PRPF3: variants seen among roughly 807,000 people sequenced by gnomAD.
PRPF3 encodes U4/U6 small nuclear ribonucleoprotein Prp3.
A neutral mutation model predicts 89.2 loss-of-function variants in PRPF3; 3 were observed. That is an observed-to-expected ratio of 0.03 (90% CI 0.02 to 0.09). The LOEUF is 0.09. Ranked by LOEUF, PRPF3 falls within the 10% of genes least tolerant of loss-of-function variation. PRPF3 has a pLI of 1.00. For synonymous variants in PRPF3, 270 were observed against 289.1 expected (o/e 0.93, Z 0.67); for missense variants, 463 against 828.8 (o/e 0.56, Z 5.42).
At chr1:150,352,807 GTT>G (rs1560126588) in intron 15 of PRPF3, 24 bp from the exon 16 acceptor site, 4 of 1,610,834 alleles carry the variant, frequency 2.5e-6, no homozygotes, top group Non-Finnish European at 3.4e-6. Context: ...AAATTGAAGT[GTT>G]TTTATTATAT....
In PRPF3 at chr1:150,332,751, G is replaced by A; in HGVS notation, c.491G>A (p.Ser164Asn). ...AGGAAAAAACAGCTGAGCTTCATTA[G>A]CCCCCCTACACCTCAGGTATTGTGT... ...EERKKQLSFI[S>N]PPTPQPKTPS... is the part of the protein sequence containing the mutation. The change falls in exon 5 of 16, where the codon AGC becomes AAC. Residue 164 changes from serine to asparagine, a missense_variant. Transcript: ENST00000324862. 6.2e-7 allele frequency: 1 copy of A among 1,613,986 alleles called. No homozygotes were observed.
rs1295066829 is a variant in PRPF3 at position 150,328,190 on chromosome 1, G to A, written c.277-130G>A. 4.9e-6 allele frequency: 5 copies of A among 1,022,298 alleles called. No individual in the cohort carries two copies. In the Admixed American group the frequency reaches 7.8e-5, roughly 16 times the overall value. The allele number at this position is 1,022,298 out of a possible 1,614,324, so 63.3% of individuals were successfully genotyped here. The stretch of plus-strand genomic sequence containing the variant: ...AGTCTAGTAGACCCTGCTTCTGGCA[G>A]GTGGCTATTTGCAAGGTTGTGTCAT... On this transcript the variant is annotated intron_variant, in intron 3 of 15. Transcript: ENST00000324862.
intron 6 of PRPF3, among the ~76,000 whole-genome samples, chr1:150,333,579 T>A (rs929252919): frequency 6.6e-6 from 1 of 152,004 alleles, no homozygotes; most frequent in Admixed American, 6.6e-5. Flanking sequence ...ACAAACAAAA[T>A]ATTACTGATC....
At chr1:150,325,178 T>C in intron 2 of PRPF3, 91 bp downstream of exon 2, 4 of 1,463,014 alleles carry the variant, frequency 2.7e-6, no homozygotes, top group Non-Finnish European at 3.7e-6. Context: ...GTTGGGAACA[T>C]CTAAAAAAAT....
At chr1:150,324,833 C>T in intron 1 of PRPF3, 62 bp from the exon 2 acceptor site, 1 of 1,355,086 alleles carries the variant, frequency 7.4e-7, no homozygotes. Context: ...AGGCATGAGC[C>T]ACTGCACCCA....
Position 150,325,074 on chromosome 1 carries a change from G to A in PRPF3, c.132G>A (p.Lys44=). 6.2e-7 allele frequency: 1 copy of A among 1,613,654 alleles called. No individual in the cohort carries two copies. Among genetic ancestry groups the A allele is most frequent in the Non-Finnish European group, 8.5e-7 (1 of 1,179,826 alleles). The part of the protein sequence containing the change: ...ALNCVGKGMD[K]KKAADHLKPF... The stretch of plus-strand genomic sequence containing the variant: ...ACTGTGTGGGGAAGGGCATGGACAA[G>A]AAGAAGGCAGCCGGTATGTACCTTT... The change falls in exon 2 of 16, where the codon AAG becomes AAA. Residue 44 remains lysine (K), a synonymous_variant. Coordinates refer to ENST00000324862, the MANE Select transcript of PRPF3 (RefSeq NM_004698.4).
At chr1:150,335,391 T>A in intron 7 of PRPF3, 150 bp downstream of exon 7, 1 of 924,964 alleles carries the variant, frequency 1.1e-6, no homozygotes, top group Admixed American at 2.2e-5. Context: ...ACTTGTTTCA[T>A]GGAAGATAAT....
chr1:150,340,516 AT>A, intron 9 of PRPF3, 39 bp downstream of exon 9: 1 of 1,477,006 alleles, frequency 6.8e-7, no homozygotes, highest in Non-Finnish European at 9.5e-7. Flanking sequence ...CTAGAGCAGC[AT>A]TACCCATTGG....
At chr1:150,352,537 C>T (rs1553874597) in intron 15 of PRPF3, among the ~76,000 whole-genome samples, 1 of 152,080 alleles carries the variant, frequency 6.6e-6, no homozygotes, top group African/African-American at 2.4e-5. Context: ...TGGTAGCGGG[C>T]GCCTGTAGTC....
In PRPF3 at chr1:150,344,436, C is replaced by T. The variant is rs781905935; in HGVS notation, c.1529C>T (p.Ala510Val). Residue 510 changes from alanine to valine, a missense_variant and splice_region_variant, in exon 12 of 16, where the codon GCG becomes GTG. Around this residue, in one of 8 missense-constraint regions of PRPF3, gnomAD observed 261 missense variants for 475.8 expected, o/e 0.55. Transcript: ENST00000324862. ...GGATGTCCTTCCTGTCACGACAGAGCGCATGAAGAGGCCAACGCTGCCCGA... is the reference window on the plus strand; with the variant it reads ...GGATGTCCTTCCTGTCACGACAGAGTGCATGAAGAGGCCAACGCTGCCCGA... ...VRAQMAKRQK[A>V]HEEANAARKL... 3.7e-6 allele frequency: 6 copies of T among 1,614,130 alleles called. No individual in the cohort carries two copies. The highest frequency in any genetic ancestry group is 5.1e-6 in the Non-Finnish European group (6 of 1,180,022).
chr1:150,335,802 A>C (rs1656922294), intron 7 of PRPF3, among the ~76,000 whole-genome samples: 2 of 124,904 alleles, frequency 1.6e-5, no homozygotes, highest in Non-Finnish European at 3.2e-5. Context: ...GGAGTCTTGC[A>C]CTGTTACCTG....
chr1:150,334,805 G>A, intron 6 of PRPF3, 130 bp from the exon 7 acceptor site: 2 of 1,087,514 alleles, frequency 1.8e-6, no homozygotes, highest in Non-Finnish European at 2.7e-6. Flanking sequence ...CTGGGCTCAA[G>A]TGATCCCTCT....
intron 5 of PRPF3, 58 bp from the exon 6 acceptor site, chr1:150,332,921 G>A (rs1165349500): frequency 2.6e-6 from 4 of 1,531,608 alleles, no homozygotes; most frequent in African/African-American, 1.4e-5. Context: ...CTGTGTGTAT[G>A]TATGTGTGTT....
intron 7 of PRPF3, among the ~76,000 whole-genome samples, chr1:150,335,932 C>T (rs115233468): frequency 0.02 from 3,089 of 151,928 alleles, 130 homozygotes; most frequent in African/African-American, 0.071. Context: ...CCATGCCTGA[C>T]GAATTTTTTG....
rs1553863277 is a variant in PRPF3, at chr1:150,324,921, ATTG to A, written c.-19_-17del. On this transcript the variant is annotated 5_prime_UTR_variant, in exon 2 of 16. Transcript: ENST00000324862. ...TGTAGTATTGAGTCCTGTTTGAGCTATTGTTCTCTTTTTCCTGAAAAATGGCAC... is the reference window on the plus strand; with the variant it reads ...TGTAGTATTGAGTCCTGTTTGAGCTATTCTCTTTTTCCTGAAAAATGGCAC... 6.4e-7 allele frequency: 1 copy of A among 1,572,718 alleles called. No homozygotes were observed. The highest frequency in any genetic ancestry group is 2.3e-5 in the East Asian group (1 of 43,118).
chr1:150,346,273 G>A (rs187919921), intron 13 of PRPF3, 135 bp from the exon 14 acceptor site: 2 of 1,235,946 alleles, frequency 1.6e-6, no homozygotes. Flanking sequence ...CTGCTTCTGT[G>A]TTTTTTGGAG....
At chr1:150,346,678 A>G (rs950488105) in intron 14 of PRPF3, among the ~76,000 whole-genome samples, 187 bp downstream of exon 14, 2 of 152,184 alleles carry the variant, frequency 1.3e-5, no homozygotes, top group Non-Finnish European at 2.9e-5. Flanking sequence ...ACATGATTAT[A>G]TGCATGAATG....
At chr1:150,352,392 G>A (rs2794678) in intron 15 of PRPF3, among the ~76,000 whole-genome samples, 50,079 of 152,166 alleles carry the variant, frequency 0.33, 8,966 homozygotes, top group Non-Finnish European at 0.4. Context: ...GAGGCCGGGC[G>A]CGGTGGCTCA....
intron 5 of PRPF3, 30 bp downstream of exon 5, chr1:150,332,797 T>C (rs1656557490): frequency 6.2e-7 from 1 of 1,608,700 alleles, no homozygotes; most frequent in East Asian, 2.2e-5. Context: ...CTGAACAGAA[T>C]AATCTTTGGC....
Sources: gnomAD v4.1 joint callset for allele counts (sites outside exome capture counted in the v4.1 genomes callset) on GRCh38, gnomAD v4.1.1 for gene constraint, gnomAD v4.1.1 regional missense constraint, MANE v1.5 for transcripts, NCBI Gene and HGNC (gene_info 2026-07-23, HGNC 2026-07-21) for gene names.